Variants in C1QTNF3 observed in about 807,000 individuals in gnomAD.
The protein encoded by C1QTNF3 is complement C1q tumor necrosis factor-related protein 3.
In C1QTNF3, 26 loss-of-function variants were observed where a neutral mutation model predicts 32.6. That is an observed-to-expected ratio of 0.80 (90% confidence interval 0.58 to 1.11). The LOEUF (loss-of-function observed/expected upper bound fraction) is 1.11. C1QTNF3 is among the 50% of genes least tolerant of loss of function. The probability of loss-of-function intolerance (pLI) is 0.00; values close to 1 mark genes in which losing one functional copy is unlikely to be tolerated. For missense variants in C1QTNF3, 362 were observed against 398.2 expected, an observed-to-expected ratio of 0.91 and a Z score of 0.77; for synonymous variants, 155 against 146.0, an observed-to-expected ratio of 1.06 and a Z score of -0.44.
the C1QTNF3 span, chr5:34,200,992 T>A: frequency 1.3e-5 from 2 of 152,070 alleles, no homozygotes; most frequent in Non-Finnish European, 2.9e-5. Context: ...TGTAATTATA[T>A]GGCAAGAATC....
the C1QTNF3 span, among the ~76,000 whole-genome samples, chr5:34,082,917 G>T: frequency 6.6e-6 from 1 of 151,732 alleles, no homozygotes; most frequent in Non-Finnish European, 1.5e-5. Context: ...TTTGGGCTTT[G>T]TGTGCTGTAC....
the C1QTNF3 span, among the ~76,000 whole-genome samples, chr5:34,072,453 G>A: frequency 1.3e-5 from 2 of 152,178 alleles, no homozygotes; most frequent in Admixed American, 1.3e-4. Context: ...ATGTGAATGT[G>A]AGGCTCAGCA....
the C1QTNF3 span, among the ~76,000 whole-genome samples, chr5:34,078,184 C>T: frequency 3.2e-3 from 489 of 151,680 alleles, 20 homozygotes; most frequent in African/African-American, 0.011. The surrounding 1 kb of genome is among the most constrained non-coding windows in gnomAD (Gnocchi z 4.0). Context: ...TTTATTGGGG[C>T]GTGCTGCTAA....
the C1QTNF3 span, among the ~76,000 whole-genome samples, chr5:34,143,575 C>T: frequency 6.6e-6 from 1 of 152,144 alleles, no homozygotes; most frequent in Non-Finnish European, 1.5e-5. Context: ...CCCCATCAGG[C>T]TGGCAATGGA....
At chr5:34,175,546 T>C in the C1QTNF3 span, 6 of 327,186 alleles carry the variant, frequency 1.8e-5, no homozygotes, top group East Asian at 7.0e-5. Flanking sequence ...GGCTATGAAA[T>C]AGACAAGAAA....
the C1QTNF3 span, among the ~76,000 whole-genome samples, chr5:34,229,403 G>A: frequency 3.1e-4 from 47 of 152,104 alleles, 1 homozygote; most frequent in South Asian, 8.1e-3. Context: ...CTGGATTTGT[G>A]GTACCAGAAC....
chr5:34,088,488 T>C, the C1QTNF3 span, among the ~76,000 whole-genome samples: 1 of 152,000 alleles, frequency 6.6e-6, no homozygotes, highest in African/African-American at 2.4e-5. Flanking sequence ...ATTTTCTATA[T>C]ATTTTTATAT....
the C1QTNF3 span, among the ~76,000 whole-genome samples, chr5:34,148,768 G>A: frequency 9.0e-6 from 1 of 110,618 alleles, no homozygotes; most frequent in Non-Finnish European, 1.9e-5. Flanking sequence ...AAACAGAACA[G>A]AAAAACTGGA....
intron 1 of C1QTNF3, among the ~76,000 whole-genome samples, chr5:34,039,430 T>C (rs1297912367): frequency 2.6e-5 from 4 of 152,216 alleles, no homozygotes; most frequent in African/African-American, 7.2e-5. Flanking sequence ...TCCTTCCGCC[T>C]TATGACCCTC....
Position 34,018,540 on chromosome 5 carries a change from T to C in C1QTNF3, c.*2043A>G. ...TAGGAGTGCCTGGAATAGCACAGTATCTTGCATAAAGTAAATGTTTATGAA... is the reference window on the plus strand; with the variant it reads ...TAGGAGTGCCTGGAATAGCACAGTACCTTGCATAAAGTAAATGTTTATGAA... On this transcript the variant is annotated 3_prime_UTR_variant, in exon 6 of 6. Coordinates refer to ENST00000382065, the MANE Select transcript of C1QTNF3 (RefSeq NM_181435.6). Among the ~76,000 whole-genome samples the C allele has an allele frequency of 6.6e-6, 1 of 152,234 alleles. No individual in the cohort carries two copies. Among genetic ancestry groups the C allele is most frequent in the Admixed American group, 6.5e-5 (1 of 15,288 alleles).
chr5:34,163,541 T>C, the C1QTNF3 span, among the ~76,000 whole-genome samples: 1 of 152,196 alleles, frequency 6.6e-6, no homozygotes, highest in South Asian at 2.1e-4. Context: ...GTCCATGATA[T>C]ACTAAAGTTT....
the C1QTNF3 span, among the ~76,000 whole-genome samples, chr5:34,203,600 C>T: frequency 3.8e-4 from 57 of 151,406 alleles, 1 homozygote; most frequent in East Asian, 8.4e-3. Context: ...GCAGGAGAAT[C>T]GCTTGAACCT....
chr5:34,215,211 GCAAACTTTCT>G, the C1QTNF3 span, among the ~76,000 whole-genome samples: 1 of 152,018 alleles, frequency 6.6e-6, no homozygotes, highest in African/African-American at 2.4e-5. Flanking sequence ...TTAAATTTTA[GCAAACTTTCT>G]GCTAAAATTT....
chr5:34,022,934 C>T (rs1367068973), intron 5 of C1QTNF3, among the ~76,000 whole-genome samples: 1 of 152,220 alleles, frequency 6.6e-6, no homozygotes, highest in Non-Finnish European at 1.5e-5. Flanking sequence ...CAGCTTACTG[C>T]AAGTTCCGCC....
intron 4 of C1QTNF3, among the ~76,000 whole-genome samples, chr5:34,028,514 G>A (rs75192079): frequency 0.02 from 3,074 of 151,982 alleles, 76 homozygotes; most frequent in African/African-American, 0.056. Context: ...AACTATTTTT[G>A]TCTTTTCAGA....
At chr5:34,102,187 C>T in the C1QTNF3 span, among the ~76,000 whole-genome samples, 10 of 151,808 alleles carry the variant, frequency 6.6e-5, no homozygotes, top group African/African-American at 2.2e-4. Context: ...TCAAAGATAA[C>T]GAATATTACC....
upstream of C1QTNF3, among the ~76,000 whole-genome samples, chr5:34,047,199 C>T (rs954834114): frequency 2.0e-5 from 3 of 152,242 alleles, no homozygotes; most frequent in African/African-American, 7.2e-5. Context: ...GGACATCAGG[C>T]TCCTGGATAC....
chr5:34,103,029 G>A, the C1QTNF3 span, among the ~76,000 whole-genome samples: 1 of 152,012 alleles, frequency 6.6e-6, no homozygotes, highest in South Asian at 2.1e-4. Context: ...ATGTTCTCTG[G>A]ACAATCAGTT....
chr5:34,031,962 T>C (rs1027183942), intron 3 of C1QTNF3, among the ~76,000 whole-genome samples: 2 of 152,332 alleles, frequency 1.3e-5, no homozygotes, highest in East Asian at 3.9e-4. Flanking sequence ...ACCACCACCA[T>C]ACACGCACAA....
Sources: gnomAD v4.1 joint callset for allele counts (sites outside exome capture counted in the v4.1 genomes callset) on GRCh38, gnomAD v4.1.1 for gene constraint, Gnocchi (gnomAD v3.1) non-coding constraint, MANE v1.5 for transcripts, NCBI Gene and HGNC (gene_info 2026-07-23, HGNC 2026-07-21) for gene names.